The following NFIB variants were observed in gnomAD, a reference collection of about 807,000 sequenced individuals.
NFIB encodes nuclear factor 1 B-type.
NFIB carries 11 observed loss-of-function variants against 61.5 expected under a neutral mutation model. The ratio of observed to expected loss-of-function variants is 0.18; its 90% CI spans 0.11 to 0.30. NFIB has a LOEUF of 0.30. NFIB is among the 10% of genes least tolerant of loss of function. NFIB has a pLI of 1.00. For synonymous variants in NFIB, 260 were observed against 216.5 expected (o/e 1.20, Z -1.76); for missense variants, 471 against 608.9 (o/e 0.77, Z 2.38).
At chr9:14,228,303 T>A (rs951640367) in intron 2 of NFIB, among the ~76,000 whole-genome samples, 53 of 151,894 alleles carry the variant, frequency 3.5e-4, no homozygotes, top group African/African-American at 1.3e-3. Flanking sequence ...TAAGCAATTT[T>A]CCCACCTCAG....
the NFIB span, among the ~76,000 whole-genome samples, chr9:14,435,869 T>G: frequency 3.3e-5 from 5 of 152,316 alleles, no homozygotes; most frequent in African/African-American, 4.8e-5. Flanking sequence ...CACAAAAGAT[T>G]TGAAAAAGGA....
chr9:14,478,381 C>T, the NFIB span, among the ~76,000 whole-genome samples: 1 of 152,202 alleles, frequency 6.6e-6, no homozygotes, highest in African/African-American at 2.4e-5. Flanking sequence ...TCATCTCCTT[C>T]CTTCAAACAT....
chr9:14,154,951 T>C (rs996451776), intron 4 of NFIB, among the ~76,000 whole-genome samples: 3 of 152,130 alleles, frequency 2.0e-5, no homozygotes, highest in African/African-American at 7.2e-5. Flanking sequence ...GACCTCTAAA[T>C]ATGACCCAAA....
intron 1 of NFIB, among the ~76,000 whole-genome samples, chr9:14,337,055 C>G (rs1223479186): frequency 6.6e-6 from 1 of 152,168 alleles, no homozygotes; most frequent in Non-Finnish European, 1.5e-5. Context: ...GTTCTTCCAA[C>G]CATTTCAGAA....
the NFIB span, among the ~76,000 whole-genome samples, chr9:14,429,755 G>T: frequency 8.5e-5 from 13 of 152,298 alleles, no homozygotes; most frequent in East Asian, 2.5e-3. Context: ...CCCCACCACT[G>T]CTACCATGGG....
intron 2 of NFIB, among the ~76,000 whole-genome samples, chr9:14,268,993 G>T (rs1415018791): frequency 6.6e-6 from 1 of 152,048 alleles, no homozygotes; most frequent in African/African-American, 2.4e-5. Flanking sequence ...CACTAACTGT[G>T]CCTTATTAGC....
the NFIB span, among the ~76,000 whole-genome samples, chr9:14,466,092 G>A: frequency 1.3e-5 from 2 of 152,124 alleles, no homozygotes; most frequent in Non-Finnish European, 2.9e-5. Context: ...ATGCAGGAAG[G>A]AACGATCCAG....
At chr9:14,347,941 G>A (rs1242056439) in intron 1 of NFIB, among the ~76,000 whole-genome samples, 1 of 152,196 alleles carries the variant, frequency 6.6e-6, no homozygotes, top group Admixed American at 6.5e-5. Flanking sequence ...CGCGTCGCAC[G>A]CGGTGTCTGG....
At chr9:14,525,486 G>A in the NFIB span, among the ~76,000 whole-genome samples, 92 of 152,224 alleles carry the variant, frequency 6.0e-4, no homozygotes, top group African/African-American at 2.0e-3. Flanking sequence ...TTATTGCTCT[G>A]TGCTGAAGAC....
At chr9:14,182,631 A>G (rs749479401) in intron 2 of NFIB, among the ~76,000 whole-genome samples, 3 of 150,482 alleles carry the variant, frequency 2.0e-5, no homozygotes, top group Non-Finnish European at 2.9e-5. Context: ...AAATTACTCT[A>G]TACCCAAAGG....
At chr9:14,398,607 C>T (rs1442586243) in exon 1 of NFIB, 1 of 1,532,562 alleles carries the variant, frequency 6.5e-7, no homozygotes, top group African/African-American at 1.4e-5. Context: ...ACCCAGAAGT[C>T]CACAGACACT....
chr9:14,221,081 G>T (rs896445965), intron 2 of NFIB, among the ~76,000 whole-genome samples: 11 of 152,012 alleles, frequency 7.2e-5, no homozygotes, highest in African/African-American at 2.7e-4. Context: ...GACATACCAG[G>T]AGTCTCTGCC....
rs73411903 is a variant in NFIB, at chr9:14,129,702, C to T, written c.926-3936G>A. On this transcript the variant is annotated intron_variant, in intron 6 of 10. Coordinates refer to ENST00000380953, the MANE Select transcript of NFIB (RefSeq NM_001190737.2). ...TTTCTGTGAAGAAAAACAAATACCA[C>T]GCTTTACACAATCTACTGTCCCTCA... 4.0e-3 allele frequency among the ~76,000 whole-genome samples: 613 copies of T among 152,158 alleles called. 4 individuals carry two copies. Among genetic ancestry groups the T allele is most frequent in the African/African-American group, 0.014 (587 of 41,508 alleles).
At chr9:14,438,104 G>A in the NFIB span, among the ~76,000 whole-genome samples, 6 of 151,458 alleles carry the variant, frequency 4.0e-5, no homozygotes, top group Non-Finnish European at 5.9e-5. Context: ...GGGGGTAGAT[G>A]AGGGGGGACT....
At chr9:14,315,149 A>AG (rs2060482369), upstream of NFIB, among the ~76,000 whole-genome samples, 1 of 151,046 alleles carries the variant, frequency 6.6e-6, no homozygotes, top group Admixed American at 6.6e-5. Flanking sequence ...GGCGTGGACC[A>AG]GGGGGGTGCG....
chr9:14,469,611 G>C, the NFIB span, among the ~76,000 whole-genome samples: 4 of 152,122 alleles, frequency 2.6e-5, no homozygotes, highest in African/African-American at 9.7e-5. Context: ...GTTGGAAGTG[G>C]GGCATGTGGG....
At chr9:14,457,129 G>A in the NFIB span, among the ~76,000 whole-genome samples, 2 of 152,116 alleles carry the variant, frequency 1.3e-5, 1 homozygote, top group Non-Finnish European at 2.9e-5. Context: ...AAGGCTAACA[G>A]AGAATATATG....
chr9:14,490,454 G>C, the NFIB span, among the ~76,000 whole-genome samples: 1 of 152,104 alleles, frequency 6.6e-6, no homozygotes, highest in Admixed American at 6.5e-5. Context: ...TAAAGGAAAA[G>C]ATTAATACAT....
At chr9:14,244,208 G>A (rs2054644092) in intron 2 of NFIB, among the ~76,000 whole-genome samples, 1 of 152,114 alleles carries the variant, frequency 6.6e-6, no homozygotes, top group Admixed American at 6.6e-5. Context: ...AGATATTCAG[G>A]ATTCTCTTTC....
Sources: allele counts gnomAD v4.1 joint callset (sites outside exome capture counted in the v4.1 genomes callset), GRCh38; gene constraint gnomAD v4.1.1; transcripts MANE v1.5; gene names NCBI Gene and HGNC (gene_info 2026-07-23, HGNC 2026-07-21).